Variants in DDOST observed in about 807,000 individuals in gnomAD.
The protein encoded by DDOST is dolichyl-diphosphooligosaccharide--protein glycosyltransferase non-catalytic subunit.
Under a neutral mutation model 47.6 loss-of-function variants are expected in DDOST, and 25 were observed. The observed-to-expected ratio is 0.53, with a 90% confidence interval of 0.38 to 0.73. The LOEUF is 0.73. DDOST is among the 30% of genes least tolerant of loss of function. DDOST has a pLI of 0.00. For missense variants in DDOST, 526 were observed against 573.9 expected, an observed-to-expected ratio of 0.92 and a Z score of 0.85; for synonymous variants, 275 against 236.0, an observed-to-expected ratio of 1.17 and a Z score of -1.51.
At chr1:20,661,123 G>A in intron 1 of DDOST, 74 bp downstream of exon 1, 13 of 1,536,086 alleles carry the variant, frequency 8.5e-6, no homozygotes, top group South Asian at 1.1e-5. Flanking sequence ...GAGAGGGAAG[G>A]AGAGTGGTCA....
Position 20,656,154 on chromosome 1 carries a change from C to T in DDOST, c.299G>A (p.Ser100Asn), listed in dbSNP as rs2053370345. 3.1e-6 allele frequency: 5 copies of T among 1,614,202 alleles called. No homozygotes were observed. The highest frequency in any genetic ancestry group is 4.2e-6 in the Non-Finnish European group (5 of 1,180,020). ...ACTGCCTCCGCCGTCAATAAAGGCA[C>T]TGATGGTCTCCACGTTGATGTTGCC... ...FGGNINVETI[S>N]AFIDGGGSVL... The change falls in exon 3 of 11, where the codon AGT (serine) becomes AAT (asparagine). Residue 100 changes from serine to asparagine, a missense_variant. Transcript: ENST00000602624.
At chr1:20,660,358 T>A (rs1024566876) in intron 2 of DDOST, 3 of 152,938 alleles carry the variant, frequency 2.0e-5, no homozygotes, top group Non-Finnish European at 2.9e-5. Context: ...TTCATTCTGT[T>A]AAACGACTAG....
At chr1:20,652,805 C>G in intron 9 of DDOST, 46 bp downstream of exon 9, 1 of 1,565,906 alleles carries the variant, frequency 6.4e-7, no homozygotes. Flanking sequence ...GCAAGTGAGG[C>G]CTGGGGCCGT....
At position 20,652,317 on chromosome 1, in the gene DDOST, C is replaced by A; in HGVS notation, c.*62G>T. 3 of 1,461,420 alleles carry A rather than the reference C, an allele frequency of 2.1e-6. No homozygotes were observed. The highest frequency in any genetic ancestry group is 2.7e-6 in the Non-Finnish European group (3 of 1,103,440). 90.5% of individuals were successfully genotyped at this position (1,461,420 alleles called of 1,614,324 possible). A position where few individuals can be genotyped will look rare whatever the true frequency, so the allele number is the denominator to read the frequency against. ...CTTTAAACAAAGCAAAACAAAACCA[C>A]CAATCCTAATAACCCCCCTCCTTGC... On this transcript the variant is annotated 3_prime_UTR_variant, in exon 11 of 11. Transcript: ENST00000602624.
rs758213706 is a variant in DDOST, at chr1:20,652,354, G to A, written c.*25C>T. 3.7e-5 allele frequency: 58 copies of A among 1,579,602 alleles called. No homozygotes were observed. In the Middle Eastern group the frequency reaches 6.8e-4, roughly 18 times the overall value. ...ACCCCCCTCCTTGCCCCGTCTCCAC[G>A]CTGTGCGGAGAGGGCTCTAGCCCCT... On this transcript the variant is annotated 3_prime_UTR_variant, in exon 11 of 11. Transcript: ENST00000602624.
chr1:20,655,171 GTTTTTTTTT>G (rs869053335), intron 5 of DDOST, among the ~76,000 whole-genome samples: 1 of 77,214 alleles, frequency 1.3e-5, no homozygotes, highest in Non-Finnish European at 2.7e-5. Flanking sequence ...ACTTTTTTTT[GTTTTTTTTT>G]TTTTTTTTTT....
chr1:20,655,665 G>A lies in DDOST; in HGVS notation c.456+11C>T. ...TGCCCCTGAAACCTGGAAGGTGACA[G>A]GCCTGATTACCTGGCCAAGGTCTGA... On this transcript the variant is annotated intron_variant, in intron 4 of 10. Coordinates refer to ENST00000602624, the MANE Select transcript of DDOST (RefSeq NM_005216.5). The A allele has an allele frequency of 6.2e-7, 1 of 1,610,640 alleles. No homozygotes were observed. The highest frequency in any genetic ancestry group is 2.2e-5 in the East Asian group (1 of 44,868).
At chr1:20,656,062 A>G in intron 3 of DDOST, 39 bp downstream of exon 3, 1 of 1,529,006 alleles carries the variant, frequency 6.5e-7, no homozygotes, top group African/African-American at 1.4e-5. Flanking sequence ...AACTCCCTGG[A>G]GAAGTGGAAA....
chr1:20,653,700 C>T lies in DDOST; in HGVS notation c.869G>A (p.Arg290His), dbSNP rs367807479. 31 of 1,614,052 alleles carry T rather than the reference C, an allele frequency of 1.9e-5. No individual in the cohort carries two copies. Among genetic ancestry groups the T allele is most frequent in the African/African-American group, 2.7e-5 (2 of 75,044 alleles). ...RWVFKEEGVL[R>H]VGPVSHHRVG... ...CCGATGATGGGACACAGGCCCCACA[C>T]GGAGGACACCCTCCTCCTTGAACAC... The change falls in exon 8 of 11, where the codon CGT (arginine) becomes CAT (histidine). Residue 290 changes from arginine (R) to histidine (H), a missense_variant. Coordinates refer to ENST00000602624, the MANE Select transcript of DDOST (RefSeq NM_005216.5).
intron 5 of DDOST, 24 bp from the exon 6 acceptor site, chr1:20,654,731 A>G (rs1238142284): frequency 1.3e-6 from 2 of 1,512,824 alleles, no homozygotes; most frequent in African/African-American, 1.4e-5. Flanking sequence ...AGAGCAGCCC[A>G]GCACTGGCCC....
At chr1:20,654,395 C>G (rs984845312) in intron 6 of DDOST, 24 bp from the exon 7 acceptor site, 1 of 1,554,374 alleles carries the variant, frequency 6.4e-7, no homozygotes, top group Admixed American at 1.9e-5. Flanking sequence ...GAGGCTGTGA[C>G]CCAAGCAGTT....
intron 2 of DDOST, among the ~76,000 whole-genome samples, chr1:20,659,450 T>C (rs2053412759): frequency 6.6e-6 from 1 of 152,194 alleles, no homozygotes; most frequent in Non-Finnish European, 1.5e-5. Flanking sequence ...CAGGTCTTTA[T>C]TTCCTCAAAA....
At chr1:20,657,273 T>C (rs2053384693) in intron 2 of DDOST, among the ~76,000 whole-genome samples, 1 of 152,192 alleles carries the variant, frequency 6.6e-6, no homozygotes, top group Non-Finnish European at 1.5e-5. Context: ...CGCAGGGCTC[T>C]GCACCCCACA....
At chr1:20,654,086 A>G in intron 7 of DDOST, 137 bp downstream of exon 7, 1 of 1,107,750 alleles carries the variant, frequency 9.0e-7, no homozygotes, top group Middle Eastern at 3.1e-4. Flanking sequence ...TAAAGCCCTG[A>G]AATAATCTGA....
chr1:20,658,991 G>A (rs1377674609), intron 2 of DDOST, among the ~76,000 whole-genome samples: 2 of 151,382 alleles, frequency 1.3e-5, no homozygotes, highest in Non-Finnish European at 1.5e-5. Context: ...CAGTAGCTGG[G>A]ACTACAGGCA....
At chr1:20,660,602 C>G (rs2053424202) in intron 2 of DDOST, 2 of 283,624 alleles carry the variant, frequency 7.1e-6, no homozygotes, top group Non-Finnish European at 1.3e-5. Context: ...TTTTATCAGG[C>G]CCTTTACAGA....
rs2053324685 is a variant in DDOST at position 20,653,639 on chromosome 1, G to C, written c.930C>G (p.Val310=). ...AAACATCTCTTACCACTAGGTCAGTGACAGTGTAGGCATTGGGTGGGGCTG... is the reference window on the plus strand; with the variant it reads ...AAACATCTCTTACCACTAGGTCAGTCACAGTGTAGGCATTGGGTGGGGCTG... The part of the protein sequence containing the change: ...GETAPPNAYT[V]TDLVEYSIVI... Residue 310 remains valine, a synonymous_variant, in exon 8 of 11, where the codon GTC becomes GTG. Coordinates refer to ENST00000602624, the MANE Select transcript of DDOST (RefSeq NM_005216.5). 1.9e-6 allele frequency: 3 copies of C among 1,605,766 alleles called. No individual in the cohort carries two copies. In the African/African-American group the frequency reaches 4.0e-5, roughly 21 times the overall value.
intron 2 of DDOST, among the ~76,000 whole-genome samples, chr1:20,659,156 C>A (rs2053408466): frequency 9.1e-6 from 1 of 110,016 alleles, no homozygotes; most frequent in African/African-American, 4.0e-5. Flanking sequence ...TCATACCTAG[C>A]CTTTTCTTTT....
Position 20,655,479 on chromosome 1 carries a change from C to G in DDOST, c.512G>C (p.Gly171Ala). ...GAGGATGGGATTTAGAGATGATTTCCCAACGATGGTTGGGGCCTTCAGCAG... is the reference window on the plus strand; with the variant it reads ...GAGGATGGGATTTAGAGATGATTTCGCAACGATGGTTGGGGCCTTCAGCAG... ...ENLLKAPTIV[G>A]KSSLNPILFR... The change falls in exon 5 of 11, where the codon GGG becomes GCG. Residue 171 changes from glycine (G) to alanine (A), a missense_variant. Gly to Ala is a moderately conservative substitution (Grantham distance 60). Transcript: ENST00000602624. The G allele has an allele frequency of 6.2e-7, 1 of 1,614,100 alleles. No homozygotes were observed. The highest frequency in any genetic ancestry group is 8.5e-7 in the Non-Finnish European group (1 of 1,180,008).
Sources: allele counts gnomAD v4.1 joint callset (sites outside exome capture counted in the v4.1 genomes callset), GRCh38; gene constraint gnomAD v4.1.1; transcripts MANE v1.5; gene names NCBI Gene and HGNC (gene_info 2026-07-23, HGNC 2026-07-21).